The following FBXL13 variants were observed in gnomAD, a reference collection of about 807,000 sequenced individuals.
FBXL13 encodes F-box and leucine-rich repeat protein 13.
In FBXL13, 67 loss-of-function variants were observed where a neutral mutation model predicts 83.6. That is an observed-to-expected ratio of 0.80 (90% CI 0.66 to 0.98). The LOEUF (loss-of-function observed/expected upper bound fraction) is 0.98. FBXL13 is among the 50% of genes least tolerant of loss of function. The pLI is 0.00. For missense variants in FBXL13, 822 were observed against 866.5 expected (o/e 0.95, Z 0.64); for synonymous variants, 272 against 299.5 (o/e 0.91, Z 0.95).
chr7:103,025,915 T>C (rs1043586350), intron 5 of FBXL13, among the ~76,000 whole-genome samples: 1 of 151,806 alleles, frequency 6.6e-6, no homozygotes. Flanking sequence ...TTTAAGTGAA[T>C]GTAGAATGAT....
chr7:103,035,996 G>A (rs1795029384), intron 2 of FBXL13, among the ~76,000 whole-genome samples: 1 of 152,182 alleles, frequency 6.6e-6, no homozygotes, highest in Non-Finnish European at 1.5e-5. Context: ...AGCAGGAGGT[G>A]AGCAGTGGGC....
chr7:102,873,439 T>G (rs1383278599), intron 16 of FBXL13, among the ~76,000 whole-genome samples: 1 of 152,214 alleles, frequency 6.6e-6, no homozygotes, highest in African/African-American at 2.4e-5. Context: ...CATTGTTTCT[T>G]CTTCCTCAGT....
In FBXL13 at chr7:103,025,208, A is replaced by C. The variant is rs771733971; in HGVS notation, c.350T>G (p.Leu117Trp). The C allele has an allele frequency of 6.3e-7, 1 of 1,581,368 alleles. No homozygotes were observed. The change falls in exon 6 of 20, where the codon TTG becomes TGG. Residue 117 changes from leucine (L) to tryptophan (W), a missense_variant. Coordinates refer to ENST00000313221, the Ensembl canonical transcript of FBXL13. ...TATTAACCTATTTTTCCATTTTTTC[A>C]ATTGAAGTTCATGTTTTAATATCTG... is the stretch of plus-strand genomic sequence containing the variant.
At chr7:102,929,150 C>T (rs6465883) in intron 9 of FBXL13, among the ~76,000 whole-genome samples, 147,950 of 152,252 alleles carry the variant, frequency 0.97, 72,041 homozygotes, top group East Asian at 1. Flanking sequence ...TCTTAACATT[C>T]TTCTGTACAC....
intron 11 of FBXL13, among the ~76,000 whole-genome samples, chr7:102,887,690 T>C (rs1226394762): frequency 6.6e-6 from 1 of 152,194 alleles, no homozygotes; most frequent in Non-Finnish European, 1.5e-5. Context: ...TCACCCACAT[T>C]ATAGAGGGGA....
At chr7:102,990,529 G>C (rs1829451653) in intron 6 of FBXL13, among the ~76,000 whole-genome samples, 2 of 152,136 alleles carry the variant, frequency 1.3e-5, no homozygotes, top group Non-Finnish European at 2.9e-5. Flanking sequence ...TTCAAAGCAG[G>C]TAAGACACTG....
At chr7:103,059,106 A>G (rs568322416) in intron 1 of FBXL13, among the ~76,000 whole-genome samples, 8 of 152,152 alleles carry the variant, frequency 5.3e-5, no homozygotes, top group Admixed American at 3.9e-4. Flanking sequence ...AAAAATACAA[A>G]AATTGTTTTA....
At chr7:102,816,083 C>CCCT (rs1166664086) in intron 19 of FBXL13, 1 of 152,202 alleles carries the variant, frequency 6.6e-6, no homozygotes, top group African/African-American at 2.4e-5. Context: ...GTCCTCATTC[C>CCCT]TTAGTCCCTG....
intron 17 of FBXL13, among the ~76,000 whole-genome samples, chr7:102,847,238 G>T (rs1804161312): frequency 6.6e-6 from 1 of 151,976 alleles, no homozygotes; most frequent in South Asian, 2.1e-4. Context: ...CTGCTCTAGG[G>T]TGCAAGCTCC....
At chr7:102,894,029 A>AG (rs1811944777) in intron 11 of FBXL13, among the ~76,000 whole-genome samples, 1 of 152,092 alleles carries the variant, frequency 6.6e-6, no homozygotes, top group Non-Finnish European at 1.5e-5. Context: ...AGAAAAGAAA[A>AG]GAAAGAGACA....
chr7:102,846,945 C>CT (rs1443897929), intron 17 of FBXL13, among the ~76,000 whole-genome samples: 1 of 152,006 alleles, frequency 6.6e-6, no homozygotes, highest in East Asian at 1.9e-4. Flanking sequence ...GGCCTACACT[C>CT]TAAGAATGGT....
intron 10 of FBXL13, among the ~76,000 whole-genome samples, chr7:102,922,285 T>C (rs1390807630): frequency 6.6e-6 from 1 of 151,984 alleles, no homozygotes; most frequent in Non-Finnish European, 1.5e-5. Flanking sequence ...GTTAAAACAA[T>C]ACTTATCAAG....
intron 1 of FBXL13, among the ~76,000 whole-genome samples, chr7:103,057,619 G>C (rs959049122): frequency 6.6e-6 from 1 of 152,142 alleles, no homozygotes; most frequent in Non-Finnish European, 1.5e-5. Context: ...AGTACACATA[G>C]GTGGGAAACA....
chr7:102,875,160 A>G (rs1360782145), intron 16 of FBXL13, among the ~76,000 whole-genome samples: 1 of 152,204 alleles, frequency 6.6e-6, no homozygotes, highest in East Asian at 1.9e-4. Flanking sequence ...AGGTTCTTAC[A>G]AAAGAACACA....
intron 15 of FBXL13, 39 bp from the exon 17 acceptor site, chr7:102,877,632 C>A (rs776526999): frequency 1.9e-6 from 3 of 1,581,430 alleles, no homozygotes; most frequent in South Asian, 1.2e-5. Context: ...AGCTGTCAAT[C>A]ATATTGTCAG....
At chr7:102,848,123 T>C (rs1315957638) in intron 17 of FBXL13, among the ~76,000 whole-genome samples, 1 of 152,208 alleles carries the variant, frequency 6.6e-6, no homozygotes, top group Non-Finnish European at 1.5e-5. Flanking sequence ...TAATGAAACC[T>C]GATTTTCTCC....
At chr7:102,968,302 G>C (rs1209971848) in intron 6 of FBXL13, among the ~76,000 whole-genome samples, 185 bp from the exon 8 acceptor site, 1 of 152,180 alleles carries the variant, frequency 6.6e-6, no homozygotes. Flanking sequence ...GAAGATAGGA[G>C]TTTTATCTAA....
chr7:103,010,582 G>A (rs965932439), intron 6 of FBXL13, among the ~76,000 whole-genome samples: 1 of 152,112 alleles, frequency 6.6e-6, no homozygotes, highest in Non-Finnish European at 1.5e-5. Flanking sequence ...CAGTAGGGGG[G>A]TTTAGGGGGA....
exon 6 of FBXL13, chr7:103,025,158 A>T (rs780407541): frequency 4.3e-6 from 7 of 1,611,404 alleles, no homozygotes; most frequent in Admixed American, 3.3e-5. Context: ...GGAAAATTGG[A>T]TTCTTCTGCA....
Sources: gnomAD v4.1 joint callset for allele counts (sites outside exome capture counted in the v4.1 genomes callset) on GRCh38, gnomAD v4.1.1 for gene constraint, MANE v1.5 for transcripts, NCBI Gene and HGNC (gene_info 2026-07-23, HGNC 2026-07-21) for gene names.